FOXA1: variants seen among roughly 807,000 people sequenced by gnomAD.
The protein encoded by FOXA1 is hepatocyte nuclear factor 3-alpha.
A neutral mutation model predicts 29.2 loss-of-function variants in FOXA1; 9 were observed. The ratio of observed to expected loss-of-function variants is 0.31; its 90% confidence interval spans 0.19 to 0.54. FOXA1 has a LOEUF of 0.54. FOXA1 is among the 20% of genes least tolerant of loss of function. The pLI is 0.95. For synonymous variants in FOXA1, 340 were observed against 300.9 expected, an observed-to-expected ratio of 1.13 and a Z score of -1.34; for missense variants, 644 against 681.2, an observed-to-expected ratio of 0.95 and a Z score of 0.61.
rs1403840673 is a variant in FOXA1 at position 37,590,417 on chromosome 14, A to G, written c.*948T>C. 4 of 228,668 alleles carry G rather than the reference A, an allele frequency of 1.7e-5. No homozygotes were observed. The highest frequency in any genetic ancestry group is 3.5e-5 in the Non-Finnish European group (4 of 115,396). The allele number at this position is 228,668 out of a possible 1,614,324, so 14.2% of individuals were successfully genotyped here. ...CATTGTAATATTCCCTTTTACTGAAAAAAAAATTCTTTAAATGGTATACAC... is the reference window on the plus strand; with the variant it reads ...CATTGTAATATTCCCTTTTACTGAAGAAAAAATTCTTTAAATGGTATACAC... On this transcript the variant is annotated 3_prime_UTR_variant, in exon 2 of 2. Transcript: ENST00000250448.
rs138390380 is a variant in FOXA1 at position 37,591,642 on chromosome 14, G to T, written c.1142C>A (p.Pro381His). The stretch of plus-strand genomic sequence containing the variant: ...TTTCAGGTGCAGCTGGGACTCGTGG[G>T]GTGCCAAGCCGTGTGCCGGGTGAGA... ...PASHPAHGLA[P>H]HESQLHLKGD... The change falls in exon 2 of 2, where the codon CCC becomes CAC. Residue 381 changes from proline (P) to histidine (H), a missense_variant. Physicochemically the swap from Pro to His is moderately conservative, Grantham distance 77. This residue lies in a region of FOXA1 where 295 missense variants were observed against 294.4 expected (regional missense o/e 1.00). Coordinates refer to ENST00000250448, the MANE Select transcript of FOXA1 (RefSeq NM_004496.5). 1.6e-5 allele frequency: 26 copies of T among 1,598,854 alleles called. No homozygotes were observed. Among genetic ancestry groups the T allele is most frequent in the Non-Finnish European group, 2.2e-5 (26 of 1,172,378 alleles).
Position 37,591,643 on chromosome 14 carries a change from G to T in FOXA1, c.1141C>A (p.Pro381Thr). Residue 381 changes from proline (P) to threonine (T), a missense_variant, in exon 2 of 2, where the codon CCC (proline) becomes ACC (threonine). Pro to Thr is a conservative substitution (Grantham distance 38, BLOSUM62 -1). This residue lies in a region of FOXA1 where 295 missense variants were observed against 294.4 expected (regional missense o/e 1.00). Transcript: ENST00000250448. ...PASHPAHGLA[P>T]HESQLHLKGD... Reference sequence around the variant, plus strand: ...TTCAGGTGCAGCTGGGACTCGTGGGGTGCCAAGCCGTGTGCCGGGTGAGAG... The same window carrying T: ...TTCAGGTGCAGCTGGGACTCGTGGGTTGCCAAGCCGTGTGCCGGGTGAGAG... 1 of 1,597,038 alleles carries T rather than the reference G, an allele frequency of 6.3e-7. No homozygotes were observed. The highest frequency in any genetic ancestry group is 8.5e-7 in the Non-Finnish European group (1 of 1,171,422).
rs2095593915 is a variant in FOXA1 at position 37,589,649 on chromosome 14, G to C, written c.*1716C>G. ...AGTGATACATTGGGGAAGGAGGAAAGGTAGTTAAATTAATATTTGATTTTG... is the reference window on the plus strand; with the variant it reads ...AGTGATACATTGGGGAAGGAGGAAACGTAGTTAAATTAATATTTGATTTTG... On this transcript the variant is annotated 3_prime_UTR_variant, in exon 2 of 2. Coordinates refer to ENST00000250448, the MANE Select transcript of FOXA1 (RefSeq NM_004496.5). 6.6e-6 allele frequency among the ~76,000 whole-genome samples: 1 copy of C among 151,246 alleles called. No homozygotes were observed. Among genetic ancestry groups the C allele is most frequent in the South Asian group, 2.1e-4 (1 of 4,800 alleles).
Position 37,591,747 on chromosome 14 carries a change from G to A in FOXA1, c.1037C>T (p.Ala346Val). 2 of 1,552,514 alleles carry A rather than the reference G, an allele frequency of 1.3e-6. No homozygotes were observed. The highest frequency in any genetic ancestry group is 2.7e-5 in the African/African-American group (2 of 73,444). Residue 346 changes from alanine (A) to valine (V), a missense_variant, in exon 2 of 2, where the codon GCC becomes GTC. By Grantham distance (64) the Ala-to-Val change is moderately conservative (BLOSUM62 0). Around this residue, in one of 5 missense-constraint regions of FOXA1, gnomAD observed 295 missense variants for 294.4 expected, o/e 1.00. Coordinates refer to ENST00000250448, the MANE Select transcript of FOXA1 (RefSeq NM_004496.5). ...GGAGGCTGGAGTCTTCAACTCCGAGGCGCCCCCTGTCGCCGTCGCCCCACT... is the reference window on the plus strand; with the variant it reads ...GGAGGCTGGAGTCTTCAACTCCGAGACGCCCCCTGTCGCCGTCGCCCCACT... The part of the protein sequence containing the change: ...DHSGATATGG[A>V]SELKTPASST...
Position 37,591,481 on chromosome 14 carries a change from C to A in FOXA1, c.1303G>T (p.Ala435Ser), listed in dbSNP as rs780579934. 2 of 1,614,166 alleles carry A rather than the reference C, an allele frequency of 1.2e-6. No individual in the cohort carries two copies. The highest frequency in any genetic ancestry group is 1.7e-6 in the Non-Finnish European group (2 of 1,180,040). Residue 435 changes from alanine (A) to serine (S), a missense_variant, in exon 2 of 2, where the codon GCC (alanine) becomes TCC (serine). By Grantham distance (99) the Ala-to-Ser change is moderately conservative (BLOSUM62 1). Transcript: ENST00000250448. ...QYSPYGSTLP[A>S]SLPLGSASVT... ...GAGGCGCTGCCTAGAGGCAGGCTGGCGGGCAACGTAGAGCCGTAAGGCGAG... is the reference window on the plus strand; with the variant it reads ...GAGGCGCTGCCTAGAGGCAGGCTGGAGGGCAACGTAGAGCCGTAAGGCGAG...
Position 37,591,986 on chromosome 14 carries a change from G to T in FOXA1, c.798C>A (p.Phe266Leu), listed in dbSNP as rs879499034. ...NGCYLRRQKRFKCEKQPGAGG... is the reference protein window; with the variant it reads ...NGCYLRRQKRLKCEKQPGAGG... ...CGGCCCCCGGCTGCTTCTCGCACTT[G>T]AAGCGCTTCTGGCGGCGCAAGTAGC... Residue 266 changes from phenylalanine (F) to leucine (L), a missense_variant, in exon 2 of 2, where the codon TTC becomes TTA. Phe to Leu is a conservative substitution (Grantham distance 22, BLOSUM62 0). Coordinates refer to ENST00000250448, the MANE Select transcript of FOXA1 (RefSeq NM_004496.5). The T allele has an allele frequency of 1.9e-6, 3 of 1,593,036 alleles. No homozygotes were observed. Among genetic ancestry groups the T allele is most frequent in the Non-Finnish European group, 1.7e-6 (2 of 1,170,568 alleles).
intron 1 of FOXA1, 116 bp from the exon 2 acceptor site, chr14:37,592,827 G>A (rs1414429380): frequency 4.6e-6 from 6 of 1,290,628 alleles, no homozygotes; most frequent in Non-Finnish European, 6.6e-6. Flanking sequence ...TGCAGAACAC[G>A]GGACGCCCCC....
At position 37,591,438 on chromosome 14, in the gene FOXA1, G is replaced by GGGT; in HGVS notation, c.1345_1346insACC (p.Ser448_Pro449insHis). 6.2e-7 allele frequency: 1 copy of GGGT among 1,614,192 alleles called. No homozygotes were observed. Among genetic ancestry groups the GGGT allele is most frequent in the African/African-American group, 1.3e-5 (1 of 75,066 alleles). On this transcript the variant is annotated inframe_insertion, in exon 2 of 2. Transcript: ENST00000250448. ...CGGCTCCAGGGCTGAGGGCTCGATG[G>GGGT]GGCTCCTGGTGGTCACCGAGGCGCT...
At chr14:37,592,916 C>T (rs966765953) in intron 1 of FOXA1, among the ~76,000 whole-genome samples, 10 of 152,240 alleles carry the variant, frequency 6.6e-5, no homozygotes, top group African/African-American at 2.4e-4. Context: ...CCTAGCGCGG[C>T]AGGCATGAAA....
At position 37,591,603 on chromosome 14, in the gene FOXA1, T is replaced by C. The variant is rs1410810817; in HGVS notation, c.1181A>G (p.Tyr394Cys). 8 of 1,612,174 alleles carry C rather than the reference T, an allele frequency of 5.0e-6. No individual in the cohort carries two copies. Residue 394 changes from tyrosine (Y) to cysteine (C), a missense_variant, in exon 2 of 2, where the codon TAC (tyrosine) becomes TGC (cysteine). Transcript: ENST00000250448. ...GATGGAGAACGGGTGGTTGAAGGAG[T>C]AGTGGGGGTCCCCTTTCAGGTGCAG... The part of the protein sequence containing the change: ...SQLHLKGDPH[Y>C]SFNHPFSINN...
At chr14:37,594,815 T>C in intron 1 of FOXA1, 86 bp downstream of exon 1, 1 of 1,114,606 alleles carries the variant, frequency 9.0e-7, no homozygotes. Context: ...CCTGCCTGCC[T>C]TGCCTGGCGC....
Position 37,592,326 on chromosome 14 carries a change from G to C in FOXA1, c.458C>G (p.Ala153Gly). ...CGTCTTGGCGTCGCCGCCGCCGCCC[G>C]CGCGGCTGCGGCCCAGGTTGGACGG... ...YAPSNLGRSRAGGGGDAKTFK... is the reference protein window; with the variant it reads ...YAPSNLGRSRGGGGGDAKTFK... Residue 153 changes from alanine (A) to glycine (G), a missense_variant, in exon 2 of 2, where the codon GCG becomes GGG. Coordinates refer to ENST00000250448, the MANE Select transcript of FOXA1 (RefSeq NM_004496.5). 6.3e-7 allele frequency: 1 copy of C among 1,596,958 alleles called. No homozygotes were observed. The highest frequency in any genetic ancestry group is 8.5e-7 in the Non-Finnish European group (1 of 1,173,262).
chr14:37,592,804 G>C (rs887312231), intron 1 of FOXA1, 93 bp from the exon 2 acceptor site: 1 of 1,502,386 alleles, frequency 6.7e-7, no homozygotes, highest in Admixed American at 1.7e-5. Context: ...CCGGGGGCAA[G>C]TGCAGAGCAC....
chr14:37,592,945 A>C (rs1463448958), intron 1 of FOXA1, among the ~76,000 whole-genome samples: 1 of 152,200 alleles, frequency 6.6e-6, no homozygotes, highest in Non-Finnish European at 1.5e-5. Flanking sequence ...CTCACAGAAA[A>C]TATGACCCCA....
At position 37,592,594 on chromosome 14, in the gene FOXA1, A is replaced by G. The variant is rs747106044; in HGVS notation, c.190T>C (p.Phe64Leu). The change falls in exon 2 of 2, where the codon TTC (phenylalanine) becomes CTC (leucine). Residue 64 changes from phenylalanine (F) to leucine (L), a missense_variant. By Grantham distance (22) the Phe-to-Leu change is conservative. Transcript: ENST00000250448. ...TTSGNMTPAS[F>L]NMSYANPGLG... ...CCCGGGTTGGCATAGGACATGTTGA[A>G]GGACGCCGGGGTCATGTTGCCGCTC... 1.2e-6 allele frequency: 2 copies of G among 1,614,210 alleles called. No homozygotes were observed.
rs1014047573 is a variant in FOXA1, at chr14:37,591,122, C to T, written c.*243G>A. The stretch of plus-strand genomic sequence containing the variant: ...TATACACTTGTGGATCATTAAACTT[C>T]GCAGGAAAAAAATTGGTTTGGGGTT... On this transcript the variant is annotated 3_prime_UTR_variant, in exon 2 of 2. Coordinates refer to ENST00000250448, the MANE Select transcript of FOXA1 (RefSeq NM_004496.5). The T allele has an allele frequency of 1.0e-5, 6 of 572,546 alleles. No individual in the cohort carries two copies. In the Admixed American group the frequency reaches 1.2e-4, roughly 11 times the overall value. 35.5% of individuals were successfully genotyped at this position (572,546 alleles called of 1,614,324 possible). A position where few individuals can be genotyped will look rare whatever the true frequency, so the allele number is the denominator to read the frequency against.
intron 1 of FOXA1, chr14:37,594,467 C>G: frequency 3.9e-6 from 3 of 771,272 alleles, no homozygotes; most frequent in Non-Finnish European, 4.8e-6. Flanking sequence ...GGCGGCAGAG[C>G]GCTTTAATCA....
At position 37,590,069 on chromosome 14, in the gene FOXA1, GT is replaced by G. The variant is rs1254438631; in HGVS notation, c.*1295del. 3 of 231,482 alleles carry G rather than the reference GT, an allele frequency of 1.3e-5. No homozygotes were observed. Among genetic ancestry groups the G allele is most frequent in the Non-Finnish European group, 2.6e-5 (3 of 117,202 alleles). The allele number at this position is 231,482 out of a possible 1,614,324, so 14.3% of individuals were successfully genotyped here. ...CGGCTTAAAATCTGGTATTATTTTT[GT>G]TATTTAAATCAAAATATTTTTAATT... On this transcript the variant is annotated 3_prime_UTR_variant, in exon 2 of 2. Coordinates refer to ENST00000250448, the MANE Select transcript of FOXA1 (RefSeq NM_004496.5).
Position 37,591,519 on chromosome 14 carries a change from TG to T in FOXA1, c.1264del (p.Gln422ArgfsTer18). The T allele has an allele frequency of 6.2e-7, 1 of 1,614,224 alleles. No individual in the cohort carries two copies. Among genetic ancestry groups the T allele is most frequent in the Non-Finnish European group, 8.5e-7 (1 of 1,180,034 alleles). Reference protein sequence around the residue: ...QHKLDFKAYEQALQYSPYGST... With the variant: ...QHKLDFKAYEXALQYSPYGST... Reference sequence around the variant, plus strand: ...GCCGTAAGGCGAGTATTGCAGTGCCTGTTCGTATGCCTTGAAGTCCAGCTTA... The same window carrying T: ...GCCGTAAGGCGAGTATTGCAGTGCCTTTCGTATGCCTTGAAGTCCAGCTTA... On this transcript the variant is annotated frameshift_variant, in exon 2 of 2. Coordinates refer to ENST00000250448, the MANE Select transcript of FOXA1 (RefSeq NM_004496.5). LOFTEE classifies it high-confidence loss of function.
Sources: allele counts gnomAD v4.1 joint callset (sites outside exome capture counted in the v4.1 genomes callset), GRCh38; gene constraint gnomAD v4.1.1; regional missense constraint gnomAD v4.1.1; transcripts MANE v1.5; gene names NCBI Gene and HGNC (gene_info 2026-07-23, HGNC 2026-07-21).